The following GRIA4 variants were observed in gnomAD, a reference collection of about 807,000 sequenced individuals.
The protein encoded by GRIA4 is glutamate receptor 4.
In GRIA4, 34 loss-of-function variants were observed where a neutral mutation model predicts 104.0. That is an observed-to-expected ratio of 0.33 (90% CI 0.25 to 0.44). GRIA4 has a LOEUF of 0.44. GRIA4 is among the 20% of genes least tolerant of loss of function. The pLI, the probability that GRIA4 is intolerant of heterozygous loss-of-function variation, is 1.00. For synonymous variants in GRIA4, 386 were observed against 381.9 expected, an observed-to-expected ratio of 1.01 and a Z score of -0.13; for missense variants, 750 against 1,096.5, an observed-to-expected ratio of 0.68 and a Z score of 4.46.
chr11:105,684,919 T>C (rs948846936), intron 3 of GRIA4, among the ~76,000 whole-genome samples: 57 of 152,170 alleles, frequency 3.7e-4, no homozygotes, highest in African/African-American at 1.3e-3. Context: ...TTGTTTCATG[T>C]ATTATTTCTC....
chr11:105,924,321 T>C, intron 11 of GRIA4, 78 bp from the exon 12 acceptor site: 1 of 1,105,312 alleles, frequency 9.0e-7, no homozygotes, highest in Middle Eastern at 2.3e-4. Context: ...CTGGTTAGCT[T>C]TAAATGGATC....
At chr11:105,726,667 C>A (rs974757604) in intron 3 of GRIA4, among the ~76,000 whole-genome samples, 11 of 152,066 alleles carry the variant, frequency 7.2e-5, no homozygotes, top group Admixed American at 7.2e-4. Flanking sequence ...CCCTCTGGAA[C>A]GAAGCTTCCA....
chr11:105,860,631 T>C (rs184660312), intron 4 of GRIA4, among the ~76,000 whole-genome samples: 7 of 152,170 alleles, frequency 4.6e-5, no homozygotes, highest in African/African-American at 1.7e-4. Flanking sequence ...ATTCAAAGAA[T>C]CTTTTTTTTA....
chr11:105,656,883 C>T (rs940116751), intron 3 of GRIA4, among the ~76,000 whole-genome samples: 3 of 151,878 alleles, frequency 2.0e-5, no homozygotes, highest in Non-Finnish European at 4.4e-5. Flanking sequence ...GGGTGGAAGA[C>T]TGTCTATCAG....
chr11:105,709,471 T>C (rs1953832308), intron 3 of GRIA4, among the ~76,000 whole-genome samples: 1 of 152,126 alleles, frequency 6.6e-6, no homozygotes, highest in South Asian at 2.1e-4. Flanking sequence ...CATAAATTTA[T>C]ATAGTCTCAA....
intron 14 of GRIA4, among the ~76,000 whole-genome samples, chr11:105,947,877 C>G (rs1189471768): frequency 6.6e-6 from 1 of 152,112 alleles, no homozygotes; most frequent in African/African-American, 2.4e-5. Flanking sequence ...TGAAATATGA[C>G]TATAAGCCCT....
chr11:105,943,653 T>C (rs1264893967), intron 14 of GRIA4, among the ~76,000 whole-genome samples: 1 of 152,148 alleles, frequency 6.6e-6, no homozygotes, highest in Non-Finnish European at 1.5e-5. Flanking sequence ...ACAGCCACTG[T>C]AATTTTACCC....
At chr11:105,858,529 C>T (rs949887889) in intron 4 of GRIA4, among the ~76,000 whole-genome samples, 2 of 152,210 alleles carry the variant, frequency 1.3e-5, no homozygotes, top group South Asian at 2.1e-4. Context: ...TATACTCTTA[C>T]AGTTATTTTA....
At chr11:105,950,041 C>T (rs1283877057) in intron 14 of GRIA4, among the ~76,000 whole-genome samples, 1 of 152,152 alleles carries the variant, frequency 6.6e-6, no homozygotes, top group Admixed American at 6.5e-5. Flanking sequence ...AAATATAATA[C>T]AGTTATACTT....
intron 4 of GRIA4, among the ~76,000 whole-genome samples, chr11:105,766,078 CATAAT>C (rs1466690712): frequency 2.0e-5 from 3 of 152,040 alleles, no homozygotes; most frequent in Non-Finnish European, 4.4e-5. Flanking sequence ...ACTATAAATC[CATAAT>C]ATAAGTGTAG....
intron 4 of GRIA4, among the ~76,000 whole-genome samples, chr11:105,779,922 T>C (rs1343434353): frequency 6.6e-6 from 1 of 152,200 alleles, no homozygotes; most frequent in Non-Finnish European, 1.5e-5. Context: ...ATGGTAGTTA[T>C]GTCAAAGCTA....
chr11:105,913,759 C>T (rs944443021), intron 10 of GRIA4, among the ~76,000 whole-genome samples: 36 of 151,996 alleles, frequency 2.4e-4, no homozygotes, highest in African/African-American at 8.4e-4. Flanking sequence ...AGCTTTACTA[C>T]CGAAGTTAAG....
rs1287313709 is a variant in GRIA4 at position 105,979,589 on chromosome 11, A to G, written c.2559A>G (p.Glu853=). The G allele has an allele frequency of 6.2e-7, 1 of 1,614,152 alleles. No homozygotes were observed. The highest frequency in any genetic ancestry group is 2.2e-5 in the East Asian group (1 of 44,870). The change falls in exon 17 of 17, where the codon GAA becomes GAG. Residue 853 remains glutamate (E), a synonymous_variant. Transcript: ENST00000282499. ...EAKRMKLTFS[E]AIRNKARLSI... ...ATGCAACCCAGCTGACCTTTTCTGA[A>G]GCCATAAGAAACAAAGCCAGATTAT...
Position 105,958,582 on chromosome 11 carries a change from T to C in GRIA4, c.2295-13332T>C, listed in dbSNP as rs149814411. ...TATTGGTCTAAAATTCTCTTTTTTT[T>C]TGTTGTGTCTCTGCCAGGCTTGGTA... On this transcript the variant is annotated intron_variant, in intron 14 of 16. Coordinates refer to ENST00000282499, the MANE Select transcript of GRIA4 (RefSeq NM_000829.4). Among the ~76,000 whole-genome samples the C allele has an allele frequency of 3.5e-3, 528 of 152,256 alleles. 3 individuals are homozygous for C. The highest frequency in any genetic ancestry group is 0.012 in the African/African-American group (503 of 41,544).
At chr11:105,615,077 T>A (rs779963096) in intron 3 of GRIA4, among the ~76,000 whole-genome samples, 3 of 151,944 alleles carry the variant, frequency 2.0e-5, no homozygotes, top group Non-Finnish European at 4.4e-5. Flanking sequence ...TTTATTTTAG[T>A]CATGATTTTT....
chr11:105,660,141 A>G (rs898237446), intron 3 of GRIA4, among the ~76,000 whole-genome samples: 1 of 151,724 alleles, frequency 6.6e-6, no homozygotes, highest in Non-Finnish European at 1.5e-5. Context: ...AATGAAGAGA[A>G]ATTTAATTTG....
intron 14 of GRIA4, among the ~76,000 whole-genome samples, chr11:105,960,392 T>A (rs1948708251): frequency 6.6e-6 from 1 of 152,232 alleles, no homozygotes; most frequent in South Asian, 2.1e-4. Flanking sequence ...GCACTCTGGC[T>A]GCTGACTGCC....
chr11:105,924,173 T>C (rs1947643928), intron 11 of GRIA4, among the ~76,000 whole-genome samples: 1 of 152,182 alleles, frequency 6.6e-6, no homozygotes, highest in Non-Finnish European at 1.5e-5. Context: ...TATCCTTTTA[T>C]CTAATTACTG....
In GRIA4 at chr11:105,687,453, G is replaced by A. The variant is rs572386579; in HGVS notation, c.248-65528G>A. 4.6e-5 allele frequency among the ~76,000 whole-genome samples: 7 copies of A among 152,336 alleles called. No homozygotes were observed. In the South Asian group the frequency reaches 6.2e-4, roughly 14 times the overall value. Reference sequence around the variant, plus strand: ...GTGTTACTTGAAAGAGACAGATGCTGAAGGGGCTTCTCCTGAGGAAGAGAC... The same window carrying A: ...GTGTTACTTGAAAGAGACAGATGCTAAAGGGGCTTCTCCTGAGGAAGAGAC... On this transcript the variant is annotated intron_variant, in intron 3 of 16. Coordinates refer to ENST00000282499, the MANE Select transcript of GRIA4 (RefSeq NM_000829.4).
Sources: allele counts gnomAD v4.1 joint callset (sites outside exome capture counted in the v4.1 genomes callset), GRCh38; gene constraint gnomAD v4.1.1; transcripts MANE v1.5; gene names NCBI Gene and HGNC (gene_info 2026-07-23, HGNC 2026-07-21).